The following IRGM variants were observed in gnomAD, a reference collection of about 807,000 sequenced individuals.
IRGM encodes immunity-related GTPase family M protein.
For missense variants in IRGM, 288 were observed against 219.9 expected, an observed-to-expected ratio of 1.31 and a Z score of -1.96; for synonymous variants, 98 against 80.6, an observed-to-expected ratio of 1.22 and a Z score of -1.16.
chr5:150,859,689 T>C (rs1383220217), intron 1 of IRGM, among the ~76,000 whole-genome samples: 2 of 152,244 alleles, frequency 1.3e-5, no homozygotes, highest in Non-Finnish European at 2.9e-5. Flanking sequence ...TATCCATTTC[T>C]TCTAGATTTT....
rs1217227028 is a variant in IRGM, at chr5:150,846,627, C to G, written c.-1009C>G. 1.4e-5 allele frequency: 2 copies of G among 139,482 alleles called. No individual in the cohort carries two copies. The highest frequency in any genetic ancestry group is 3.0e-5 in the Non-Finnish European group (2 of 66,448). 8.6% of individuals were successfully genotyped at this position (139,482 alleles called of 1,614,324 possible). On this transcript the variant is annotated 5_prime_UTR_variant, in exon 1 of 2. Coordinates refer to ENST00000522154, the MANE Select transcript of IRGM (RefSeq NM_001145805.2). Reference sequence around the variant, plus strand: ...TTTGGGTCCACACTGCCTTTATGAGCTGTAACACTCACCGTGAAGGTCTGC... The same window carrying G: ...TTTGGGTCCACACTGCCTTTATGAGGTGTAACACTCACCGTGAAGGTCTGC...
chr5:150,858,496 A>T (rs946712950), intron 1 of IRGM, among the ~76,000 whole-genome samples: 1 of 152,218 alleles, frequency 6.6e-6, no homozygotes, highest in Non-Finnish European at 1.5e-5. Context: ...GATGGCATTG[A>T]ATCTATCAAT....
At chr5:150,859,640 C>T (rs1462014386) in intron 1 of IRGM, among the ~76,000 whole-genome samples, 1 of 152,014 alleles carries the variant, frequency 6.6e-6, no homozygotes, top group African/African-American at 2.4e-5. Context: ...TCAACTTCTT[C>T]CTGGTTTAGT....
chr5:150,857,345 G>A (rs1415163718), intron 1 of IRGM, among the ~76,000 whole-genome samples: 5 of 152,084 alleles, frequency 3.3e-5, no homozygotes, highest in African/African-American at 1.2e-4. Context: ...TGGACATTTG[G>A]GTTGGTTCCA....
chr5:150,873,528 G>T (rs1224804147), intron 1 of IRGM, among the ~76,000 whole-genome samples: 1 of 152,210 alleles, frequency 6.6e-6, no homozygotes, highest in African/African-American at 2.4e-5. Context: ...CTGGACACTG[G>T]CTCTGAGCTG....
intron 1 of IRGM, among the ~76,000 whole-genome samples, chr5:150,871,785 C>T (rs561368650): frequency 1.2e-4 from 19 of 152,152 alleles, no homozygotes; most frequent in Non-Finnish European, 2.2e-4. Context: ...CTGTTTCAAA[C>T]AAATTGTTTA....
intron 1 of IRGM, among the ~76,000 whole-genome samples, chr5:150,855,669 C>T (rs1754039013): frequency 6.6e-6 from 1 of 152,144 alleles, no homozygotes; most frequent in South Asian, 2.1e-4. Flanking sequence ...AGTTTGAGTT[C>T]ACTTAGGAAT....
At chr5:150,896,860 CTT>C (rs879404254) in intron 3 of IRGM, 18 of 1,613,578 alleles carry the variant, frequency 1.1e-5, no homozygotes, top group Non-Finnish European at 1.4e-5. Context: ...CCTTGACAGA[CTT>C]TTAAAATGGA....
Position 150,848,032 on chromosome 5 carries a change from A to G in IRGM, c.-92A>G. 2 of 969,462 alleles carry G rather than the reference A, an allele frequency of 2.1e-6. No homozygotes were observed. Among genetic ancestry groups the G allele is most frequent in the Non-Finnish European group, 3.0e-6 (2 of 660,046 alleles). The allele number at this position is 969,462 out of a possible 1,614,324, so 60.1% of individuals were successfully genotyped here. On this transcript the variant is annotated 5_prime_UTR_variant, in exon 2 of 2. The change abolishes the stop of an existing upstream ORF in the 5' untranslated region. Coordinates refer to ENST00000522154, the MANE Select transcript of IRGM (RefSeq NM_001145805.2). ...TGGCCAGGATGGTCTCAATCTCCTG[A>G]CCTCGTGATCTGCTCGCCTCGGCCT...
chr5:150,848,713 C>T, downstream of IRGM: 1 of 1,340,218 alleles, frequency 7.5e-7, no homozygotes, highest in Non-Finnish European at 1.0e-6. Context: ...CTATTGATTC[C>T]TTTTCTCCTT....
chr5:150,892,917 T>G (rs534412428), intron 3 of IRGM, among the ~76,000 whole-genome samples: 49 of 152,040 alleles, frequency 3.2e-4, no homozygotes, highest in Non-Finnish European at 5.9e-4. Flanking sequence ...TGTTTTGTTG[T>G]TCCTATTTTG....
chr5:150,896,880 G>A, intron 3 of IRGM: 1 of 1,613,598 alleles, frequency 6.2e-7, no homozygotes, highest in Non-Finnish European at 8.5e-7. Flanking sequence ...GGAGCACAAT[G>A]AACCATCCCT....
At chr5:150,886,852 A>G (rs1253993665) in intron 3 of IRGM, among the ~76,000 whole-genome samples, 1 of 151,824 alleles carries the variant, frequency 6.6e-6, no homozygotes, top group East Asian at 1.9e-4. Context: ...AAGAAAACCA[A>G]CTACTGGATT....
intron 3 of IRGM, among the ~76,000 whole-genome samples, chr5:150,889,263 G>A (rs1344372770): frequency 6.6e-6 from 1 of 151,936 alleles, no homozygotes; most frequent in Non-Finnish European, 1.5e-5. Context: ...CCACATGGCT[G>A]GGGAGGCCTC....
At chr5:150,856,914 T>C (rs1447875312) in intron 1 of IRGM, among the ~76,000 whole-genome samples, 1 of 144,578 alleles carries the variant, frequency 6.9e-6, no homozygotes, top group Non-Finnish European at 1.5e-5. Context: ...TAAATAAATA[T>C]TTATTATTTA....
intron 3 of IRGM, chr5:150,897,008 A>T (rs1023249059): frequency 2.6e-6 from 4 of 1,519,064 alleles, no homozygotes; most frequent in African/African-American, 2.8e-5. Flanking sequence ...AAGAGTCATC[A>T]CAAGAGTCAA....
At chr5:150,886,453 G>A (rs1156460581) in intron 3 of IRGM, among the ~76,000 whole-genome samples, 1 of 151,848 alleles carries the variant, frequency 6.6e-6, no homozygotes, top group Non-Finnish European at 1.5e-5. Flanking sequence ...TCAATTTTTT[G>A]GAATAGTTTC....
At chr5:150,892,010 AT>A (rs1285500336) in intron 3 of IRGM, among the ~76,000 whole-genome samples, 1 of 152,130 alleles carries the variant, frequency 6.6e-6, no homozygotes, top group East Asian at 1.9e-4. Context: ...TTCACTGAAT[AT>A]TTAGCATCAA....
downstream of IRGM, among the ~76,000 whole-genome samples, chr5:150,852,443 C>T (rs1753989813): frequency 6.6e-6 from 1 of 152,074 alleles, no homozygotes; most frequent in Non-Finnish European, 1.5e-5. Flanking sequence ...ACATTATTTC[C>T]ATCTGGCTCA....
Sources: gnomAD v4.1 joint callset for allele counts (sites outside exome capture counted in the v4.1 genomes callset) on GRCh38, gnomAD v4.1.1 for gene constraint, MANE v1.5 for transcripts, NCBI Gene and HGNC (gene_info 2026-07-23, HGNC 2026-07-21) for gene names.